ATRNL1: variants seen among roughly 807,000 people sequenced by gnomAD.
ATRNL1 encodes attractin-like protein 1.
In ATRNL1, 95 loss-of-function variants were observed where a neutral mutation model predicts 182.7. The ratio of observed to expected loss-of-function variants is 0.52; its 90% confidence interval spans 0.44 to 0.62. The LOEUF (loss-of-function observed/expected upper bound fraction) is 0.62, where lower values mean the gene tolerates loss of function less well. ATRNL1 is among the 20% of genes least tolerant of loss of function. The pLI is 0.00. For missense variants in ATRNL1, 1,471 were observed against 1,679.5 expected, an observed-to-expected ratio of 0.88 and a Z score of 2.17; for synonymous variants, 576 against 568.3, an observed-to-expected ratio of 1.01 and a Z score of -0.19.
chr10:115,649,653 C>G (rs1344741589), intron 26 of ATRNL1, among the ~76,000 whole-genome samples: 3 of 152,020 alleles, frequency 2.0e-5, no homozygotes, highest in African/African-American at 7.2e-5. Flanking sequence ...TTGTAAAAGG[C>G]ACTTTGCAAA....
chr10:115,481,778 A>G (rs1412821867), intron 24 of ATRNL1, among the ~76,000 whole-genome samples: 2 of 150,854 alleles, frequency 1.3e-5, no homozygotes, highest in East Asian at 1.9e-4. Flanking sequence ...TTAGCTCTAG[A>G]CACGCTTCCA....
At chr10:115,749,632 A>G (rs944574428) in intron 27 of ATRNL1, among the ~76,000 whole-genome samples, 12 of 151,890 alleles carry the variant, frequency 7.9e-5, no homozygotes, top group Non-Finnish European at 1.5e-4. Context: ...TTCAGCTCTC[A>G]TGCATTCTTT....
intron 28 of ATRNL1, among the ~76,000 whole-genome samples, chr10:115,912,912 T>A (rs1256421780): frequency 1.3e-5 from 2 of 152,136 alleles, no homozygotes; most frequent in African/African-American, 4.8e-5. Context: ...TGCCACCACT[T>A]ACTAACCGTG....
chr10:115,446,919 G>A (rs1246973531), intron 21 of ATRNL1, among the ~76,000 whole-genome samples: 4 of 151,828 alleles, frequency 2.6e-5, no homozygotes, highest in Non-Finnish European at 5.9e-5. Flanking sequence ...CTGATTGTTC[G>A]CCAAAATATT....
intron 27 of ATRNL1, among the ~76,000 whole-genome samples, chr10:115,768,513 A>G (rs996554777): frequency 2.0e-5 from 3 of 152,098 alleles, no homozygotes; most frequent in African/African-American, 7.2e-5. Flanking sequence ...TATTTTAAGG[A>G]GCAAATGAGT....
intron 26 of ATRNL1, among the ~76,000 whole-genome samples, chr10:115,560,588 C>G (rs1554999146): frequency 6.6e-6 from 1 of 152,160 alleles, no homozygotes. Context: ...GATGACAGTA[C>G]TCCCAAACTT....
intron 26 of ATRNL1, among the ~76,000 whole-genome samples, chr10:115,679,525 C>T (rs1328895609): frequency 2.6e-5 from 4 of 152,104 alleles, no homozygotes; most frequent in African/African-American, 9.6e-5. Context: ...GTGAGAGCTA[C>T]ATTGGGACTA....
chr10:115,625,048 C>T (rs1032041494), intron 26 of ATRNL1, among the ~76,000 whole-genome samples: 3 of 151,956 alleles, frequency 2.0e-5, no homozygotes, highest in Admixed American at 1.3e-4. Context: ...AGGGAGGTTG[C>T]GAAACAAGCA....
chr10:115,905,500 G>A (rs945849569), intron 28 of ATRNL1, among the ~76,000 whole-genome samples: 1 of 152,038 alleles, frequency 6.6e-6, no homozygotes, highest in African/African-American at 2.4e-5. Flanking sequence ...AAAGTACTGG[G>A]ACTACAGGCG....
intron 26 of ATRNL1, among the ~76,000 whole-genome samples, chr10:115,695,734 C>T (rs72826811): frequency 0.28 from 42,935 of 151,858 alleles, 7,649 homozygotes; most frequent in Non-Finnish European, 0.4. Context: ...ATAAGAAATT[C>T]ATTGACTATT....
intron 28 of ATRNL1, among the ~76,000 whole-genome samples, chr10:115,910,911 T>C (rs1952655555): frequency 6.6e-6 from 1 of 152,240 alleles, no homozygotes; most frequent in African/African-American, 2.4e-5. Context: ...CATTTCGTTT[T>C]TTGCTTTCTA....
chr10:115,934,587 A>G (rs1008398647), intron 28 of ATRNL1, among the ~76,000 whole-genome samples: 7 of 151,890 alleles, frequency 4.6e-5, no homozygotes, highest in Non-Finnish European at 7.4e-5. Context: ...TTTATCTCCC[A>G]TACTACTCTC....
chr10:115,824,368 G>T (rs1052397986), intron 27 of ATRNL1, among the ~76,000 whole-genome samples: 30 of 152,116 alleles, frequency 2.0e-4, no homozygotes, highest in African/African-American at 6.8e-4. Flanking sequence ...ATAGGCATGG[G>T]CAAGGACTTC....
intron 25 of ATRNL1, among the ~76,000 whole-genome samples, chr10:115,527,400 C>T (rs1403315880): frequency 1.3e-5 from 2 of 152,142 alleles, no homozygotes; most frequent in Admixed American, 6.5e-5. Flanking sequence ...AGATTACAGG[C>T]ATGAGCCACT....
intron 26 of ATRNL1, among the ~76,000 whole-genome samples, chr10:115,695,557 T>C (rs782489955): frequency 6.6e-6 from 1 of 152,202 alleles, no homozygotes; most frequent in Non-Finnish European, 1.5e-5. Flanking sequence ...TATTGTATTC[T>C]ACATTCAGTA....
intron 27 of ATRNL1, among the ~76,000 whole-genome samples, chr10:115,739,773 T>C (rs1466704606): frequency 6.6e-6 from 1 of 152,260 alleles, no homozygotes; most frequent in Non-Finnish European, 1.5e-5. Flanking sequence ...TCTGGTAGTA[T>C]GCAGTAGTTA....
At chr10:115,777,441 C>T (rs1555078242) in intron 27 of ATRNL1, among the ~76,000 whole-genome samples, 1 of 151,856 alleles carries the variant, frequency 6.6e-6, no homozygotes, top group Admixed American at 6.6e-5. Context: ...TTTGTTATAT[C>T]AAGAAATGTA....
At chr10:115,524,337 T>G (rs547274192) in intron 25 of ATRNL1, among the ~76,000 whole-genome samples, 97 of 151,474 alleles carry the variant, frequency 6.4e-4, no homozygotes, top group African/African-American at 2.3e-3. Context: ...GAACTAAAGG[T>G]TTTTTTTTCT....
intron 8 of ATRNL1, among the ~76,000 whole-genome samples, chr10:115,177,912 G>GTTTTTTTTTTGTTTTTTTT (rs1847587922): frequency 1.4e-5 from 1 of 71,062 alleles, no homozygotes; most frequent in Non-Finnish European, 3.0e-5. Flanking sequence ...TGTTTTTTTT[G>GTTTTTTTTTTGTTTTTTTT]TTTTTTTTTT....
Sources: gnomAD v4.1 joint callset for allele counts (sites outside exome capture counted in the v4.1 genomes callset) on GRCh38, gnomAD v4.1.1 for gene constraint, MANE v1.5 for transcripts, NCBI Gene and HGNC (gene_info 2026-07-23, HGNC 2026-07-21) for gene names.